Variants in ZDHHC9 observed in about 807,000 individuals in gnomAD.
The protein encoded by ZDHHC9 is palmitoyltransferase ZDHHC9.
In ZDHHC9, 3 loss-of-function variants were observed where a neutral mutation model predicts 26.6. The observed-to-expected ratio is 0.11, with a 90% confidence interval of 0.05 to 0.29. The LOEUF (loss-of-function observed/expected upper bound fraction) is 0.29. Ranked by LOEUF, ZDHHC9 falls within the 10% of genes least tolerant of loss-of-function variation. The pLI is 1.00. For missense variants in ZDHHC9, 146 were observed against 296.4 expected (o/e 0.49, Z 3.73); for synonymous variants, 111 against 109.4 (o/e 1.01, Z -0.09).
chrX:129,837,613 G>A (rs1928290134), intron 3 of ZDHHC9, among the ~76,000 whole-genome samples: 1 of 111,916 alleles, frequency 8.9e-6, no homozygotes, highest in African/African-American at 3.2e-5. Context: ...AGCTCTAATG[G>A]GGACCAACCT....
chrX:129,812,040 T>A (rs1024796281), intron 8 of ZDHHC9, among the ~76,000 whole-genome samples: 5 of 111,053 alleles, frequency 4.5e-5, no homozygotes, highest in African/African-American at 1.6e-4. Flanking sequence ...TTTTTGCTCA[T>A]CTGTATTTTC....
chrX:129,812,856 A>T (rs1441694694), intron 7 of ZDHHC9, 36 bp from the exon 8 acceptor site: 1 of 1,021,299 alleles, frequency 9.8e-7, no homozygotes, highest in South Asian at 1.9e-5. Context: ...AGAACTCAAC[A>T]TCAGGAGACT....
intron 3 of ZDHHC9, among the ~76,000 whole-genome samples, chrX:129,829,583 A>G (rs1313954816): frequency 3.6e-5 from 4 of 111,842 alleles, no homozygotes; most frequent in Admixed American, 9.5e-5. Flanking sequence ...AAGAGGGAGA[A>G]AAGATGAGGA....
At chrX:129,841,136 C>T (rs1483919098) in intron 3 of ZDHHC9, among the ~76,000 whole-genome samples, 1 of 111,400 alleles carries the variant, frequency 9.0e-6, no homozygotes, top group East Asian at 2.8e-4. Flanking sequence ...AACAGTGGCT[C>T]GAGTACGAGG....
intron 6 of ZDHHC9, among the ~76,000 whole-genome samples, chrX:129,814,205 C>T (rs1927707777): frequency 8.9e-6 from 1 of 111,751 alleles, no homozygotes; most frequent in Non-Finnish European, 1.9e-5. Context: ...TATGTTTGTG[C>T]ACATGTACAT....
At chrX:129,806,579 C>G in intron 10 of ZDHHC9, 93 bp from the exon 11 acceptor site, 2 of 760,568 alleles carry the variant, frequency 2.6e-6, no homozygotes, top group Admixed American at 5.2e-5. Flanking sequence ...CCTCTCAGCC[C>G]CCTGATCACA....
chrX:129,821,014 T>A (rs1464551621), intron 5 of ZDHHC9, among the ~76,000 whole-genome samples: 1 of 111,326 alleles, frequency 9.0e-6, no homozygotes. Flanking sequence ...AAGACATTCA[T>A]GCAGCCAACA....
At chrX:129,835,848 A>G (rs1433669364) in intron 3 of ZDHHC9, among the ~76,000 whole-genome samples, 1 of 112,444 alleles carries the variant, frequency 8.9e-6, no homozygotes, top group African/African-American at 3.2e-5. Context: ...AACCCAAGGA[A>G]CTCTTGGGAA....
At chrX:129,811,099 G>T in intron 9 of ZDHHC9, 98 bp from the exon 10 acceptor site, 1 of 740,209 alleles carries the variant, frequency 1.4e-6, no homozygotes, top group Non-Finnish European at 2.1e-6. Flanking sequence ...ATATAAACCT[G>T]TCCTTTGGCA....
intron 5 of ZDHHC9, among the ~76,000 whole-genome samples, chrX:129,822,529 A>T (rs1220429871): frequency 9.0e-6 from 1 of 110,882 alleles, no homozygotes; most frequent in Non-Finnish European, 1.9e-5. Flanking sequence ...TGACAGGTTG[A>T]TAGGTGCAGC....
intron 3 of ZDHHC9, among the ~76,000 whole-genome samples, chrX:129,830,808 C>G (rs1054397271): frequency 2.7e-5 from 3 of 111,811 alleles, no homozygotes; most frequent in Non-Finnish European, 5.6e-5. Flanking sequence ...AGGTCTTCCC[C>G]TAGCTCCCTG....
rs1239359081 is a variant in ZDHHC9, at chrX:129,804,321, G to C, written c.*2049C>G. 2.7e-5 allele frequency: 3 copies of C among 111,413 alleles called. No individual in the cohort carries two copies. The Admixed American group carries it at 2.9e-4, about 11-fold the overall frequency. 9.2% of individuals were successfully genotyped at this position (111,413 alleles called of 1,213,427 possible). On this transcript the variant is annotated 3_prime_UTR_variant, in exon 11 of 11. Coordinates refer to ENST00000357166, the MANE Select transcript of ZDHHC9 (RefSeq NM_016032.4). ...GAACCAGAAAAAGAAGCAGACAGGA[G>C]AGGGATCTGAGTCAGTCTCTCCCCA... is the stretch of plus-strand genomic sequence containing the variant.
chrX:129,825,706 A>G (rs757157679), intron 4 of ZDHHC9, among the ~76,000 whole-genome samples: 15 of 111,703 alleles, frequency 1.3e-4, no homozygotes, highest in Non-Finnish European at 2.6e-4. Flanking sequence ...GAACATACTC[A>G]TGTGTTAAAA....
In ZDHHC9 at chrX:129,804,108, C is replaced by T. The variant is rs971523048; in HGVS notation, c.*2262G>A. Reference sequence around the variant, plus strand: ...GAAAGAGAAAGCTTCTCTGTCTGACCTAAGGGTCCTCAGGAGAACACTTGA... The same window carrying T: ...GAAAGAGAAAGCTTCTCTGTCTGACTTAAGGGTCCTCAGGAGAACACTTGA... On this transcript the variant is annotated 3_prime_UTR_variant, in exon 11 of 11. Coordinates refer to ENST00000357166, the MANE Select transcript of ZDHHC9 (RefSeq NM_016032.4). The T allele has an allele frequency of 3.6e-5, 4 of 111,626 alleles. No individual in the cohort carries two copies. The highest frequency in any genetic ancestry group is 1.3e-4 in the African/African-American group (4 of 30,656). The allele number at this position is 111,626 out of a possible 1,213,427, so 9.2% of individuals were successfully genotyped here.
At chrX:129,826,733 G>A (rs1194198220) in intron 4 of ZDHHC9, among the ~76,000 whole-genome samples, 1 of 111,604 alleles carries the variant, frequency 9.0e-6, no homozygotes, top group Non-Finnish European at 1.9e-5. Context: ...GCCAGCACAC[G>A]TCGCCTCTGC....
At chrX:129,811,118 T>C in intron 9 of ZDHHC9, 117 bp from the exon 10 acceptor site, 1 of 611,739 alleles carries the variant, frequency 1.6e-6, no homozygotes, top group South Asian at 2.4e-5. Context: ...CAATCTAGCC[T>C]GAACACAGCA....
At chrX:129,825,165 T>C (rs1927985485) in intron 4 of ZDHHC9, among the ~76,000 whole-genome samples, 2 of 110,900 alleles carry the variant, frequency 1.8e-5, no homozygotes, top group Non-Finnish European at 3.8e-5. Flanking sequence ...TAGCCAAGCA[T>C]GGTGGCACGC....
chrX:129,806,580 C>A, intron 10 of ZDHHC9, 94 bp from the exon 11 acceptor site: 1 of 734,965 alleles, frequency 1.4e-6, no homozygotes, highest in South Asian at 2.3e-5. Context: ...CTCTCAGCCC[C>A]CTGATCACAC....
intron 3 of ZDHHC9, among the ~76,000 whole-genome samples, chrX:129,834,110 A>T (rs1035471081): frequency 9.0e-6 from 1 of 111,511 alleles, no homozygotes; most frequent in Non-Finnish European, 1.9e-5. Flanking sequence ...GCATCCTTAT[A>T]AAAGAAATCC....
Sources: allele counts gnomAD v4.1 joint callset (sites outside exome capture counted in the v4.1 genomes callset), GRCh38; gene constraint gnomAD v4.1.1; transcripts MANE v1.5; gene names NCBI Gene and HGNC (gene_info 2026-07-23, HGNC 2026-07-21).